The following SLC9A9 variants were observed in gnomAD, a reference collection of about 807,000 sequenced individuals.
SLC9A9 encodes sodium/hydrogen exchanger 9.
SLC9A9 carries 62 observed loss-of-function variants against 77.8 expected under a neutral mutation model. The observed-to-expected ratio is 0.80, with a 90% CI of 0.65 to 0.98. SLC9A9 has a LOEUF of 0.98. Ranked by LOEUF, SLC9A9 falls within the 50% of genes least tolerant of loss-of-function variation. SLC9A9 has a pLI of 0.00. For synonymous variants in SLC9A9, 320 were observed against 283.5 expected, an observed-to-expected ratio of 1.13 and a Z score of -1.29; for missense variants, 775 against 774.9, an observed-to-expected ratio of 1.00 and a Z score of 0.00.
intron 4 of SLC9A9, among the ~76,000 whole-genome samples, chr3:143,710,604 A>G (rs1449281841): frequency 6.6e-6 from 1 of 152,224 alleles, no homozygotes; most frequent in Non-Finnish European, 1.5e-5. Context: ...ATAGAAACCA[A>G]GATCCAACCA....
intron 12 of SLC9A9, among the ~76,000 whole-genome samples, chr3:143,427,141 G>A (rs1198837170): frequency 2.0e-5 from 3 of 152,156 alleles, no homozygotes; most frequent in East Asian, 3.9e-4. Flanking sequence ...ACTGAGGAAT[G>A]TTTCACTTGC....
At chr3:143,792,197 A>G (rs556310841) in intron 4 of SLC9A9, among the ~76,000 whole-genome samples, 110 of 152,338 alleles carry the variant, frequency 7.2e-4, no homozygotes, top group Non-Finnish European at 1.3e-3. Context: ...CAAGCACTCC[A>G]TAAATTGTTG....
At chr3:143,561,960 G>A (rs1331610174) in intron 8 of SLC9A9, among the ~76,000 whole-genome samples, 1 of 152,190 alleles carries the variant, frequency 6.6e-6, no homozygotes, top group Non-Finnish European at 1.5e-5. Context: ...AAGGAAAGCA[G>A]GTAGATATGT....
chr3:143,548,793 A>G (rs1456234529), intron 9 of SLC9A9, among the ~76,000 whole-genome samples: 1 of 152,192 alleles, frequency 6.6e-6, no homozygotes, highest in African/African-American at 2.4e-5. Flanking sequence ...CAACTTTAAA[A>G]AGGCACTCTA....
At chr3:143,330,290 C>T (rs1218909220) in intron 14 of SLC9A9, among the ~76,000 whole-genome samples, 2 of 152,130 alleles carry the variant, frequency 1.3e-5, no homozygotes, top group Admixed American at 1.3e-4. Context: ...AATTCAGCGC[C>T]AAGAGGTAGA....
intron 12 of SLC9A9, among the ~76,000 whole-genome samples, chr3:143,463,525 A>C (rs1000119605): frequency 8.5e-5 from 13 of 152,174 alleles, no homozygotes; most frequent in African/African-American, 3.1e-4. Flanking sequence ...TTTCCTGGGT[A>C]ACAGCAGAGC....
At chr3:143,421,204 A>G (rs558920092) in intron 12 of SLC9A9, among the ~76,000 whole-genome samples, 3 of 152,232 alleles carry the variant, frequency 2.0e-5, no homozygotes, top group Non-Finnish European at 4.4e-5. Flanking sequence ...AAAGCAATCT[A>G]CAGATTCAAT....
At chr3:143,554,326 G>T (rs1449130794) in intron 8 of SLC9A9, among the ~76,000 whole-genome samples, 1 of 152,134 alleles carries the variant, frequency 6.6e-6, no homozygotes, top group Admixed American at 6.5e-5. Flanking sequence ...CAATGATTAA[G>T]CAGCCTCTCC....
rs966124408 is a variant in SLC9A9 at position 143,266,874 on chromosome 3, A to G, written c.1766T>C (p.Ile589Thr). 12 of 1,613,942 alleles carry G rather than the reference A, an allele frequency of 7.4e-6. No homozygotes were observed. Among genetic ancestry groups the G allele is most frequent in the Admixed American group, 1.7e-5 (1 of 60,002 alleles). The change falls in exon 16 of 16, where the codon ATA (isoleucine) becomes ACA (threonine). Residue 589 changes from isoleucine to threonine, a missense_variant. Ile to Thr is a moderately conservative substitution (Grantham distance 89). Transcript: ENST00000316549. ...ECIVNQDELAINYQEQASSPC... is the reference protein window; with the variant it reads ...ECIVNQDELATNYQEQASSPC... ...TGAGGAGGCTTGCTCCTGGTAATTT[A>G]TGGCTAGTTCATCCTGGTTTACAAT...
chr3:143,326,294 A>T (rs1291717721), intron 14 of SLC9A9, among the ~76,000 whole-genome samples: 3 of 152,192 alleles, frequency 2.0e-5, no homozygotes, highest in African/African-American at 7.2e-5. Flanking sequence ...AACCAGAGTG[A>T]TCTGTAAAAT....
rs906856330 is a variant in SLC9A9, at chr3:143,266,408, C to T, written c.*294G>A. 1.8e-5 allele frequency: 10 copies of T among 551,520 alleles called. No homozygotes were observed. The highest frequency in any genetic ancestry group is 3.2e-5 in the Non-Finnish European group (10 of 308,388). 34.2% of individuals were successfully genotyped at this position (551,520 alleles called of 1,614,324 possible). On this transcript the variant is annotated 3_prime_UTR_variant, in exon 16 of 16. Transcript: ENST00000316549. ...GCAGAAATGCCCTGAAGACCCAGCA[C>T]AGCTGTCCCATCCTCCAGCAGCTAG...
chr3:143,586,873 G>A (rs969580703), intron 6 of SLC9A9, among the ~76,000 whole-genome samples: 4 of 152,212 alleles, frequency 2.6e-5, no homozygotes, highest in African/African-American at 9.6e-5. Context: ...AAAGTTCACT[G>A]AGCTTGAGTA....
chr3:143,736,396 A>G (rs985903158), intron 4 of SLC9A9, among the ~76,000 whole-genome samples: 4 of 152,194 alleles, frequency 2.6e-5, no homozygotes, highest in South Asian at 4.1e-4. Context: ...TTAAACAAAC[A>G]TTTACTAAGC....
At chr3:143,772,575 C>A (rs1222290973) in intron 4 of SLC9A9, among the ~76,000 whole-genome samples, 3 of 152,142 alleles carry the variant, frequency 2.0e-5, no homozygotes, top group Non-Finnish European at 4.4e-5. Context: ...CTAGATGAAG[C>A]ACAAGCTGGT....
intron 5 of SLC9A9, among the ~76,000 whole-genome samples, chr3:143,676,407 AAAAC>A (rs1231030220): frequency 1.3e-5 from 2 of 152,196 alleles, no homozygotes; most frequent in Non-Finnish European, 2.9e-5. Context: ...ACAAACAAAC[AAAAC>A]AAACAAAAAC....
chr3:143,780,994 C>A (rs1357641380), intron 4 of SLC9A9, among the ~76,000 whole-genome samples: 1 of 152,114 alleles, frequency 6.6e-6, no homozygotes, highest in East Asian at 1.9e-4. Context: ...CATCCCCCTG[C>A]CTGAAATTAA....
rs371907280 is a variant in SLC9A9 at position 143,812,704 on chromosome 3, CCTTT to C, written c.379-15805_379-15802del. Among the ~76,000 whole-genome samples the C allele has an allele frequency of 4.4e-3, 663 of 152,296 alleles. 5 individuals are homozygous for C. Among genetic ancestry groups the C allele is most frequent in the African/African-American group, 0.015 (642 of 41,572 alleles). On this transcript the variant is annotated intron_variant, in intron 2 of 15. Transcript: ENST00000316549. ...TTTTCCATGCTTTCTCTCCTTCCTT[CCTTT>C]TTCAGCTTATGTAGAGCATTCGGCA...
intron 4 of SLC9A9, among the ~76,000 whole-genome samples, chr3:143,730,476 G>C (rs1934771824): frequency 6.6e-6 from 1 of 152,148 alleles, no homozygotes; most frequent in Non-Finnish European, 1.5e-5. Flanking sequence ...TGCTTCCACA[G>C]TTCCTACTGC....
intron 6 of SLC9A9, among the ~76,000 whole-genome samples, chr3:143,612,130 C>T (rs1005286195): frequency 1.3e-5 from 2 of 152,146 alleles, no homozygotes; most frequent in Admixed American, 6.5e-5. Context: ...TTAGCTTGCC[C>T]CTATAGAGGG....
Sources: gnomAD v4.1 joint callset for allele counts (sites outside exome capture counted in the v4.1 genomes callset) on GRCh38, gnomAD v4.1.1 for gene constraint, MANE v1.5 for transcripts, NCBI Gene and HGNC (gene_info 2026-07-23, HGNC 2026-07-21) for gene names.